Variants in ASTN2 observed in about 807,000 individuals in gnomAD.
ASTN2 encodes the protein astrotactin-2.
Under a neutral mutation model 139.8 loss-of-function variants are expected in ASTN2, and 54 were observed. That is an observed-to-expected ratio of 0.39 (90% CI 0.31 to 0.48). The LOEUF (loss-of-function observed/expected upper bound fraction) is 0.48. ASTN2 is among the 20% of genes least tolerant of loss of function. The probability of loss-of-function intolerance (pLI) is 0.95; values close to 1 mark genes in which losing one functional copy is unlikely to be tolerated. For synonymous variants in ASTN2, 756 were observed against 719.5 expected, an observed-to-expected ratio of 1.05 and a Z score of -0.81; for missense variants, 1,565 against 1,725.1, an observed-to-expected ratio of 0.91 and a Z score of 1.64.
intron 13 of ASTN2, among the ~76,000 whole-genome samples, chr9:116,750,423 C>T (rs1036689409): frequency 6.6e-6 from 1 of 152,124 alleles, no homozygotes; most frequent in Non-Finnish European, 1.5e-5. Context: ...TCCCTTTTGT[C>T]TTTCCCACTC....
chr9:116,543,199 C>A (rs1587971913), intron 19 of ASTN2, among the ~76,000 whole-genome samples: 1 of 150,518 alleles, frequency 6.6e-6, no homozygotes, highest in African/African-American at 2.4e-5. Context: ...AGCATAAGGG[C>A]AGTCTGATTG....
At chr9:117,144,723 C>A (rs1564448134) in intron 3 of ASTN2, among the ~76,000 whole-genome samples, 1 of 122,992 alleles carries the variant, frequency 8.1e-6, no homozygotes, top group Non-Finnish European at 1.6e-5. Context: ...GCTCTGTCAC[C>A]CAGGCTGGAG....
intron 5 of ASTN2, among the ~76,000 whole-genome samples, chr9:117,066,540 G>A (rs1827950071): frequency 4.7e-5 from 7 of 150,278 alleles, no homozygotes; most frequent in Admixed American, 4.6e-4. Context: ...ACCCAGTAAT[G>A]GGATGGCTGG....
At chr9:117,019,641 CA>C (rs1837814172) in intron 6 of ASTN2, among the ~76,000 whole-genome samples, 1 of 152,048 alleles carries the variant, frequency 6.6e-6, no homozygotes, top group African/African-American at 2.4e-5. Context: ...AAATAGGACC[CA>C]GGGTGGCTGA....
intron 16 of ASTN2, among the ~76,000 whole-genome samples, chr9:116,686,181 T>C (rs1345853517): frequency 1.3e-5 from 2 of 151,708 alleles, no homozygotes; most frequent in African/African-American, 4.8e-5. Flanking sequence ...GTTAAGAGAG[T>C]GGGTTCTCAG....
intron 2 of ASTN2, among the ~76,000 whole-genome samples, chr9:117,246,039 T>A (rs1833371215): frequency 6.6e-6 from 1 of 152,194 alleles, no homozygotes; most frequent in Admixed American, 6.5e-5. Flanking sequence ...CCCTGATGCG[T>A]GGCATAGTGC....
intron 6 of ASTN2, among the ~76,000 whole-genome samples, chr9:117,029,393 C>T (rs1838184857): frequency 6.6e-6 from 1 of 152,120 alleles, no homozygotes; most frequent in South Asian, 2.1e-4. Flanking sequence ...TGCCCTTCTC[C>T]AGATAAGTGT....
chr9:117,316,503 T>C (rs761740881), intron 1 of ASTN2, among the ~76,000 whole-genome samples: 2 of 152,118 alleles, frequency 1.3e-5, no homozygotes, highest in Non-Finnish European at 2.9e-5. Flanking sequence ...GAAGGGGTCA[T>C]GTGACGGCTC....
chr9:117,171,605 C>T (rs1227826202), intron 3 of ASTN2, among the ~76,000 whole-genome samples: 1 of 151,970 alleles, frequency 6.6e-6, no homozygotes, highest in Non-Finnish European at 1.5e-5. Flanking sequence ...ATCGGTTTCC[C>T]CCATGCTGTT....
At chr9:117,188,329 T>C (rs926667285) in intron 3 of ASTN2, among the ~76,000 whole-genome samples, 5 of 152,038 alleles carry the variant, frequency 3.3e-5, no homozygotes, top group Non-Finnish European at 7.4e-5. Context: ...GTCAGGAAAG[T>C]TTAAGACCAT....
intron 10 of ASTN2, 31 bp from the exon 11 acceptor site, chr9:116,863,764 G>A (rs749194634): frequency 5.1e-6 from 8 of 1,581,568 alleles, no homozygotes; most frequent in East Asian, 2.3e-5. Context: ...TTAAACCCCA[G>A]AGACATTTGG....
intron 10 of ASTN2, among the ~76,000 whole-genome samples, chr9:116,912,142 C>T (rs757100308): frequency 1.3e-5 from 2 of 152,224 alleles, no homozygotes; most frequent in South Asian, 4.1e-4. Context: ...TGCTTTTACA[C>T]CTACATGTGT....
chr9:117,157,276 T>C lies in ASTN2; in HGVS notation c.1016-15798A>G, dbSNP rs1310191096. Reference sequence around the variant, plus strand: ...AGAGGAGGGAAGCAGAAAGGAGACATGCACATCTCTAGCAATTAGAGACTG... The same window carrying C: ...AGAGGAGGGAAGCAGAAAGGAGACACGCACATCTCTAGCAATTAGAGACTG... On this transcript the variant is annotated intron_variant, in intron 3 of 22. Transcript: ENST00000313400. Among the ~76,000 whole-genome samples, 14 of 151,780 alleles carry C rather than the reference T, an allele frequency of 9.2e-5. No individual in the cohort carries two copies. The East Asian group carries it at 2.1e-3, about 23-fold the overall frequency.
At chr9:117,032,685 TG>T (rs1564393678) in intron 6 of ASTN2, among the ~76,000 whole-genome samples, 1 of 152,164 alleles carries the variant, frequency 6.6e-6, no homozygotes. Flanking sequence ...CTCACTCTTC[TG>T]GGATGGAGGA....
chr9:117,030,955 C>G (rs922721355), intron 6 of ASTN2, among the ~76,000 whole-genome samples: 1 of 152,100 alleles, frequency 6.6e-6, no homozygotes, highest in Non-Finnish European at 1.5e-5. Context: ...TACTCTCTCA[C>G]GTATAGTTAT....
chr9:116,645,521 C>T lies in ASTN2; in HGVS notation c.3072+6007G>A, dbSNP rs560238235. ...AGGGTCCAATGGTCCCCAAGGCCAT[C>T]GAGAATACCTTGGTCCAGAATCAGA... is the stretch of plus-strand genomic sequence containing the variant. On this transcript the variant is annotated intron_variant, in intron 17 of 22. Transcript: ENST00000313400. Among the ~76,000 whole-genome samples the T allele has an allele frequency of 4.6e-5, 7 of 152,194 alleles. No homozygotes were observed. The East Asian group carries it at 7.7e-4, about 17-fold the overall frequency.
In ASTN2 at chr9:116,425,965, C is replaced by T; in HGVS notation, c.3906G>A (p.Glu1302=). 6.2e-7 allele frequency: 1 copy of T among 1,614,186 alleles called. No homozygotes were observed. Among genetic ancestry groups the T allele is most frequent in the Non-Finnish European group, 8.5e-7 (1 of 1,180,034 alleles). The part of the protein sequence containing the change: ...TVPYLFCRSE[E]VRPAGMVWYS... ...ACCACACCATGCCTGCAGGCCGGAC[C>T]TCCTCGCTGCGGCAGAAAAGATAGG... Residue 1302 remains glutamate, a synonymous_variant, in exon 23 of 23, where the codon GAG becomes GAA. Coordinates refer to ENST00000313400, the MANE Select transcript of ASTN2 (RefSeq NM_001365068.1).
chr9:116,658,733 C>CTTTTTTTT (rs71502074), intron 16 of ASTN2, among the ~76,000 whole-genome samples: 80 of 101,118 alleles, frequency 7.9e-4, no homozygotes, highest in East Asian at 2.3e-3. Context: ...GACCACCGCT[C>CTTTTTTTT]TTTTTTTTTT....
intron 10 of ASTN2, among the ~76,000 whole-genome samples, chr9:116,915,845 G>T (rs1446805028): frequency 6.6e-6 from 1 of 152,156 alleles, no homozygotes; most frequent in African/African-American, 2.4e-5. Context: ...TGAGTTTTGT[G>T]ACCTGTTCTG....
Sources: gnomAD v4.1 joint callset for allele counts (sites outside exome capture counted in the v4.1 genomes callset) on GRCh38, gnomAD v4.1.1 for gene constraint, MANE v1.5 for transcripts, NCBI Gene and HGNC (gene_info 2026-07-23, HGNC 2026-07-21) for gene names.